Variants in SCOC observed in about 807,000 individuals in gnomAD.
SCOC encodes short coiled-coil protein, also known as short coiled coil protein.
Under a neutral mutation model 9.9 loss-of-function variants are expected in SCOC, and 7 were observed. That is an observed-to-expected ratio of 0.71 (90% CI 0.40 to 1.33). The LOEUF (loss-of-function observed/expected upper bound fraction) is 1.33. Ranked by LOEUF, SCOC falls within the 40% of genes most tolerant of loss-of-function variation. The pLI, the probability that SCOC is intolerant of heterozygous loss-of-function variation, is 0.01. For synonymous variants in SCOC, 19 were observed against 28.2 expected, an observed-to-expected ratio of 0.67 and a Z score of 1.03; for missense variants, 66 against 89.7, an observed-to-expected ratio of 0.74 and a Z score of 1.07.
At chr4:140,271,870 C>A (rs527784519) in intron 1 of SCOC, among the ~76,000 whole-genome samples, 3 of 152,178 alleles carry the variant, frequency 2.0e-5, no homozygotes, top group African/African-American at 7.2e-5. Context: ...AGTCTTTGCA[C>A]ACTAGAGAGA....
At chr4:140,318,623 CT>C (rs1293781817) in intron 1 of SCOC, among the ~76,000 whole-genome samples, 2 of 129,550 alleles carry the variant, frequency 1.5e-5, no homozygotes, top group Non-Finnish European at 3.1e-5. Flanking sequence ...CACTTTTACA[CT>C]GTTGGTGGGA....
chr4:140,293,123 T>C lies in SCOC; in HGVS notation c.-19+35713T>C, dbSNP rs374786403. ...AACTCCACTGTACGTGTAGCTCATG[T>C]GTTCCCCCCTATATCTTTCAGAAGT... On this transcript the variant is annotated intron_variant, in intron 1 of 4. Transcript: ENST00000394205. 1.6e-5 allele frequency: 6 copies of C among 365,672 alleles called. No homozygotes were observed. In the East Asian group the frequency reaches 2.9e-4, roughly 18 times the overall value. 22.7% of individuals were successfully genotyped at this position (365,672 alleles called of 1,614,324 possible).
chr4:140,281,756 G>A (rs985364786), intron 1 of SCOC, among the ~76,000 whole-genome samples: 3 of 152,170 alleles, frequency 2.0e-5, no homozygotes, highest in African/African-American at 7.2e-5. Flanking sequence ...GCTTACTTAG[G>A]AAAAGCAAGA....
chr4:140,309,133 T>G (rs1732077942), intron 1 of SCOC, among the ~76,000 whole-genome samples: 1 of 152,226 alleles, frequency 6.6e-6, no homozygotes, highest in Admixed American at 6.5e-5. Context: ...AAGGGATCAT[T>G]GATACCATCT....
At chr4:140,294,394 T>C (rs1731562415) in intron 1 of SCOC, among the ~76,000 whole-genome samples, 1 of 152,188 alleles carries the variant, frequency 6.6e-6, no homozygotes, top group African/African-American at 2.4e-5. Flanking sequence ...AAGACATTAT[T>C]GCTTCAGGGT....
intron 1 of SCOC, among the ~76,000 whole-genome samples, chr4:140,327,859 G>C (rs1732694656): frequency 6.6e-6 from 1 of 152,148 alleles, no homozygotes; most frequent in African/African-American, 2.4e-5. Context: ...ACTGTATCAG[G>C]GAAAGAAGCT....
chr4:140,290,730 T>C (rs986461943), intron 1 of SCOC, among the ~76,000 whole-genome samples: 4 of 152,164 alleles, frequency 2.6e-5, no homozygotes, highest in Admixed American at 6.5e-5. Flanking sequence ...GGAGAATCAC[T>C]TGAACCCAGG....
intron 2 of SCOC, among the ~76,000 whole-genome samples, chr4:140,359,792 T>A (rs1727383663): frequency 6.6e-6 from 1 of 152,174 alleles, no homozygotes; most frequent in South Asian, 2.1e-4. Flanking sequence ...TTCAGATGCT[T>A]TGTACTCTCT....
intron 2 of SCOC, among the ~76,000 whole-genome samples, chr4:140,360,406 T>C (rs907211276): frequency 6.6e-6 from 1 of 152,152 alleles, no homozygotes; most frequent in African/African-American, 2.4e-5. Context: ...GTCAGAGACA[T>C]ATGTTATGAT....
rs575388567 is a variant in SCOC at position 140,348,028 on chromosome 4, T to A, written c.70+4320T>A. ...TTACTAAATACAAATAAAAATTGTA[T>A]ATGTTTATGGTTTATGGTGTACATT... is the stretch of plus-strand genomic sequence containing the variant. On this transcript the variant is annotated intron_variant, in intron 2 of 4. Coordinates refer to the SCOC transcript ENST00000338517. 4.0e-3 allele frequency among the ~76,000 whole-genome samples: 614 copies of A among 152,270 alleles called. 4 individuals carry two copies. Among genetic ancestry groups the A allele is most frequent in the African/African-American group, 0.014 (592 of 41,574 alleles).
intron 1 of SCOC, among the ~76,000 whole-genome samples, chr4:140,277,066 C>T (rs894768933): frequency 6.6e-6 from 1 of 152,124 alleles, no homozygotes; most frequent in Non-Finnish European, 1.5e-5. Flanking sequence ...ATTTTAGGCT[C>T]TTCAGAATTT....
chr4:140,379,150 C>G lies in SCOC; in HGVS notation c.-21C>G, dbSNP rs780621662. 1 of 1,609,428 alleles carries G rather than the reference C, an allele frequency of 6.2e-7. No homozygotes were observed. Among genetic ancestry groups the G allele is most frequent in the Admixed American group, 1.7e-5 (1 of 60,008 alleles). ...TTCCTCAAGAATTTTGTATCCAAGG[C>G]CCAAAAGTTTGTTACCCAAGATGAT... On this transcript the variant is annotated 5_prime_UTR_variant, in exon 2 of 4. Coordinates refer to ENST00000608372, the MANE Select transcript of SCOC (RefSeq NM_001153484.2).
intron 1 of SCOC, among the ~76,000 whole-genome samples, chr4:140,267,461 G>T (rs1052335738): frequency 6.6e-5 from 10 of 152,166 alleles, no homozygotes; most frequent in Non-Finnish European, 1.3e-4. Context: ...GTTTTCCTGG[G>T]ATCTGTTTCT....
chr4:140,366,552 C>T (rs903183065), intron 2 of SCOC: 1 of 1,588,274 alleles, frequency 6.3e-7, no homozygotes, highest in African/African-American at 1.3e-5. Flanking sequence ...AATCTGTCAT[C>T]TTGGCTTTCC....
intron 2 of SCOC, among the ~76,000 whole-genome samples, chr4:140,357,211 T>G (rs1376651689): frequency 6.6e-6 from 1 of 152,126 alleles, no homozygotes; most frequent in East Asian, 1.9e-4. Context: ...TGACCTCAAG[T>G]GGTCTGCCTG....
In SCOC at chr4:140,362,277, A is replaced by ACTTCTTCTTCTTCTTCTT. The variant is rs1305620519; in HGVS notation, c.71-16837_71-16820dup. Among the ~76,000 whole-genome samples the ACTTCTTCTTCTTCTTCTT allele has an allele frequency of 5.1e-4, 6 of 11,674 alleles. 1 individual carries two copies. In the East Asian group the frequency reaches 0.011, roughly 21 times the overall value. 7.7% of individuals were successfully genotyped at this position (11,674 alleles called of 152,430 possible). On this transcript the variant is annotated intron_variant, in intron 2 of 4. Coordinates refer to the SCOC transcript ENST00000338517. Reference sequence around the variant, plus strand: ...ACCGGCTAAAGACAGGTGTGTCCTTACTTCTTCTTCTTCTTCTTCTTCTTT... The same window carrying ACTTCTTCTTCTTCTTCTT: ...ACCGGCTAAAGACAGGTGTGTCCTTACTTCTTCTTCTTCTTCTTCTTCTTCTTCTTCTTCTTCTTCTTT...
chr4:140,365,043 A>C (rs1440108694), intron 2 of SCOC, among the ~76,000 whole-genome samples: 3 of 152,198 alleles, frequency 2.0e-5, no homozygotes, highest in Admixed American at 6.5e-5. Context: ...TGTTATAAAA[A>C]AAAGTTGTGA....
At chr4:140,290,722 A>G (rs1731447070) in intron 1 of SCOC, among the ~76,000 whole-genome samples, 1 of 152,190 alleles carries the variant, frequency 6.6e-6, no homozygotes, top group Non-Finnish European at 1.5e-5. Context: ...CTGAGGCGGG[A>G]GAATCACTTG....
chr4:140,291,546 GGTGA>G (rs1416729360), intron 1 of SCOC: 2 of 454,748 alleles, frequency 4.4e-6, no homozygotes, highest in Non-Finnish European at 8.9e-6. Context: ...TATGGCAGAG[GGTGA>G]GTGAGTTTGA....
Sources: gnomAD v4.1 joint callset for allele counts (sites outside exome capture counted in the v4.1 genomes callset) on GRCh38, gnomAD v4.1.1 for gene constraint, MANE v1.5 for transcripts, NCBI Gene and HGNC (gene_info 2026-07-23, HGNC 2026-07-21) for gene names.